Variants in DNM3 observed in about 807,000 individuals in gnomAD.
DNM3 encodes dynamin 3.
Under a neutral mutation model 101.6 loss-of-function variants are expected in DNM3, and 47 were observed. That is an observed-to-expected ratio of 0.46 (90% CI 0.37 to 0.59). The LOEUF is 0.59. Ranked by LOEUF, DNM3 falls within the 20% of genes least tolerant of loss-of-function variation. The probability of loss-of-function intolerance (pLI) is 0.00; values close to 1 mark genes in which losing one functional copy is unlikely to be tolerated. For missense variants in DNM3, 849 were observed against 1,085.7 expected (o/e 0.78, Z 3.06); for synonymous variants, 385 against 387.9 (o/e 0.99, Z 0.09).
intron 2 of DNM3, among the ~76,000 whole-genome samples, chr1:171,955,902 G>A (rs889443430): frequency 6.6e-6 from 1 of 152,150 alleles, no homozygotes; most frequent in Non-Finnish European, 1.5e-5. Flanking sequence ...CAAGAGGAGA[G>A]AGGTTGTGCA....
At chr1:172,147,029 G>T (rs1315686473) in intron 14 of DNM3, among the ~76,000 whole-genome samples, 1 of 152,096 alleles carries the variant, frequency 6.6e-6, no homozygotes, top group East Asian at 1.9e-4. Flanking sequence ...TATAGAAATT[G>T]AGTTCCCCTT....
At chr1:172,056,503 G>A (rs9659615) in intron 10 of DNM3, among the ~76,000 whole-genome samples, 52,273 of 151,886 alleles carry the variant, frequency 0.34, 10,222 homozygotes, top group Non-Finnish European at 0.43. Flanking sequence ...TCTGAGAACG[G>A]GCAGACTGCC....
intron 1 of DNM3, among the ~76,000 whole-genome samples, chr1:171,863,847 C>G (rs1449330323): frequency 1.3e-5 from 2 of 152,210 alleles, no homozygotes; most frequent in African/African-American, 4.8e-5. Context: ...AAAGCCTTCA[C>G]TAAGCCCACA....
intron 2 of DNM3, among the ~76,000 whole-genome samples, chr1:171,947,737 G>A (rs1359003891): frequency 6.6e-6 from 1 of 152,076 alleles, no homozygotes; most frequent in Non-Finnish European, 1.5e-5. Flanking sequence ...TCTCTCCCAG[G>A]CGCCTGGACT....
intron 10 of DNM3, among the ~76,000 whole-genome samples, chr1:172,054,110 T>C (rs2125882203): frequency 6.6e-6 from 1 of 152,342 alleles, no homozygotes; most frequent in East Asian, 1.9e-4. Context: ...TATATACATA[T>C]ATAAACATAA....
In DNM3 at chr1:172,410,248, T is replaced by C. The variant is rs2071130408; in HGVS notation, c.*2407T>C. 1 of 985,408 alleles carries C rather than the reference T, an allele frequency of 1.0e-6. No individual in the cohort carries two copies. The highest frequency in any genetic ancestry group is 1.2e-6 in the Non-Finnish European group (1 of 829,876). 61.0% of individuals were successfully genotyped at this position (985,408 alleles called of 1,614,324 possible). A position where few individuals can be genotyped will look rare whatever the true frequency, so the allele number is the denominator to read the frequency against. ...GCTAAAAGGAGATGCCAATGTTGAA[T>C]GAAGTCTGAAACTCTAGTATGTGCA... On this transcript the variant is annotated 3_prime_UTR_variant, in exon 21 of 21. Transcript: ENST00000627582.
intron 14 of DNM3, among the ~76,000 whole-genome samples, chr1:172,169,417 A>T (rs756991815): frequency 4.6e-5 from 7 of 151,980 alleles, no homozygotes; most frequent in Non-Finnish European, 1.0e-4. Context: ...GAAGAATCCC[A>T]TAATCTTTTC....
intron 1 of DNM3, among the ~76,000 whole-genome samples, chr1:171,891,454 A>G (rs2037276579): frequency 2.0e-5 from 3 of 152,014 alleles, no homozygotes. Flanking sequence ...CAATTAATGA[A>G]CCACTACTTT....
chr1:172,281,749 T>C (rs2063498627), intron 15 of DNM3, among the ~76,000 whole-genome samples: 1 of 152,164 alleles, frequency 6.6e-6, no homozygotes, highest in African/African-American at 2.4e-5. Context: ...AGCTTCTTTG[T>C]TTGGCAGTAT....
At chr1:172,099,618 A>T (rs1431164069) in intron 13 of DNM3, among the ~76,000 whole-genome samples, 2 of 152,190 alleles carry the variant, frequency 1.3e-5, no homozygotes, top group Non-Finnish European at 2.9e-5. Context: ...ATTGAAAGGA[A>T]ATGGGCAAAC....
chr1:172,255,386 A>G (rs2148693236), intron 15 of DNM3, among the ~76,000 whole-genome samples: 1 of 152,274 alleles, frequency 6.6e-6, no homozygotes. Flanking sequence ...AGGTGTGCTC[A>G]GCCTTCTTGC....
rs145673977 is a variant in DNM3 at position 172,052,291 on chromosome 1, AC to A, written c.1335+3542del. On this transcript the variant is annotated intron_variant, in intron 10 of 20. Coordinates refer to ENST00000627582, the MANE Select transcript of DNM3 (RefSeq NM_015569.5). ...GGGTGGGGGGTGGTTTCCTATCTGT[AC>A]TCTCACCTCCTTAGAGGATGTACTC... Among the ~76,000 whole-genome samples the A allele has an allele frequency of 2.1e-3, 323 of 151,890 alleles. 3 individuals are homozygous for A. The highest frequency in any genetic ancestry group is 7.4e-3 in the African/African-American group (305 of 41,424).
intron 14 of DNM3, among the ~76,000 whole-genome samples, chr1:172,143,398 T>C (rs1396371288): frequency 6.6e-6 from 1 of 152,138 alleles, no homozygotes; most frequent in African/African-American, 2.4e-5. Context: ...TCCAGAACTT[T>C]CTTTAAGGGG....
In DNM3 at chr1:172,227,872, G is replaced by A. The variant is rs563689884; in HGVS notation, c.1660-25701G>A. 4.6e-5 allele frequency among the ~76,000 whole-genome samples: 7 copies of A among 152,196 alleles called. No homozygotes were observed. The South Asian group carries it at 1.5e-3, about 32-fold the overall frequency. ...CATCTGGTCATAGTGGATATTATTA[G>A]TCTAATATACAAGTTCACACACATG... On this transcript the variant is annotated intron_variant, in intron 14 of 20. Coordinates refer to ENST00000627582, the MANE Select transcript of DNM3 (RefSeq NM_015569.5).
At chr1:172,168,281 A>G (rs1263293332) in intron 14 of DNM3, among the ~76,000 whole-genome samples, 1 of 151,876 alleles carries the variant, frequency 6.6e-6, no homozygotes, top group African/African-American at 2.4e-5. Context: ...AATATTAACT[A>G]CACTGGGAAA....
chr1:171,994,370 T>G (rs1400016213), intron 4 of DNM3, among the ~76,000 whole-genome samples: 1 of 152,174 alleles, frequency 6.6e-6, no homozygotes, highest in Non-Finnish European at 1.5e-5. Flanking sequence ...CTCAGCATTT[T>G]TTTTTAGTGG....
chr1:172,398,786 G>A (rs1043539782), intron 20 of DNM3, among the ~76,000 whole-genome samples: 17 of 152,198 alleles, frequency 1.1e-4, no homozygotes, highest in South Asian at 6.2e-4. Flanking sequence ...TAGATTTTCC[G>A]TCTAGACTAG....
intron 14 of DNM3, among the ~76,000 whole-genome samples, chr1:172,209,102 G>T (rs1287340719): frequency 1.3e-5 from 2 of 151,914 alleles, no homozygotes; most frequent in African/African-American, 2.4e-5. Context: ...TCTTTAAACA[G>T]GTGATTAAGT....
intron 14 of DNM3, among the ~76,000 whole-genome samples, chr1:172,236,659 G>A (rs189531353): frequency 4.1e-4 from 63 of 152,160 alleles, no homozygotes; most frequent in African/African-American, 1.5e-3. Context: ...AGGACAGAGG[G>A]AGGAAGAGGA....
Sources: gnomAD v4.1 joint callset for allele counts (sites outside exome capture counted in the v4.1 genomes callset) on GRCh38, gnomAD v4.1.1 for gene constraint, MANE v1.5 for transcripts, NCBI Gene and HGNC (gene_info 2026-07-23, HGNC 2026-07-21) for gene names.